Variants in SERPINI1 observed in about 807,000 individuals in gnomAD.
The protein encoded by SERPINI1 is serpin family I member 1, also known as neuroserpin.
A neutral mutation model predicts 41.1 loss-of-function variants in SERPINI1; 19 were observed. The observed-to-expected ratio is 0.46, with a 90% confidence interval of 0.32 to 0.68. The LOEUF is 0.68. SERPINI1 is among the 30% of genes least tolerant of loss of function. The pLI, the probability that SERPINI1 is intolerant of heterozygous loss-of-function variation, is 0.03. For missense variants in SERPINI1, 460 were observed against 479.2 expected, an observed-to-expected ratio of 0.96 and a Z score of 0.37; for synonymous variants, 138 against 156.6, an observed-to-expected ratio of 0.88 and a Z score of 0.89.
intron 1 of SERPINI1, among the ~76,000 whole-genome samples, chr3:167,751,804 T>C (rs1269966966): frequency 2.0e-5 from 3 of 151,992 alleles, no homozygotes; most frequent in Non-Finnish European, 1.5e-5. Flanking sequence ...CCTCCAATAT[T>C]AGTGATTCTC....
At chr3:167,813,527 T>C (rs1389507354) in intron 6 of SERPINI1, among the ~76,000 whole-genome samples, 1 of 152,266 alleles carries the variant, frequency 6.6e-6, no homozygotes, top group East Asian at 1.9e-4. Context: ...CATCTTGCCT[T>C]CTCTGACTTT....
At chr3:167,742,200 G>C (rs1279871585) in intron 1 of SERPINI1, among the ~76,000 whole-genome samples, 2 of 152,096 alleles carry the variant, frequency 1.3e-5, no homozygotes, top group Non-Finnish European at 2.9e-5. Flanking sequence ...TTGAAAAGGA[G>C]AGAAAGAAAT....
At chr3:167,747,233 A>C (rs1305075937) in intron 1 of SERPINI1, among the ~76,000 whole-genome samples, 1 of 152,202 alleles carries the variant, frequency 6.6e-6, no homozygotes, top group Non-Finnish European at 1.5e-5. Flanking sequence ...GATTACTAGT[A>C]AGGGACAAAG....
chr3:167,769,789 G>T (rs1453891649), intron 1 of SERPINI1, among the ~76,000 whole-genome samples: 1 of 151,886 alleles, frequency 6.6e-6, no homozygotes, highest in Admixed American at 6.6e-5. Flanking sequence ...GTTTGACCAT[G>T]TTTTTACCTG....
chr3:167,740,845 T>G (rs1725656310), intron 1 of SERPINI1, among the ~76,000 whole-genome samples: 1 of 151,498 alleles, frequency 6.6e-6, no homozygotes, highest in Admixed American at 6.6e-5. Context: ...AAAGATGTGC[T>G]TTTATGTAAT....
rs150064630 is a variant in SERPINI1, at chr3:167,822,541, A to G, written c.980-445A>G. The stretch of plus-strand genomic sequence containing the variant: ...AATTTCATTTTTCTTTGCCAAGGGT[A>G]TTTACATTATCATAGTAATTAAATA... On this transcript the variant is annotated intron_variant, in intron 6 of 8. Coordinates refer to ENST00000446050, the MANE Select transcript of SERPINI1 (RefSeq NM_001122752.2). Among the ~76,000 whole-genome samples the G allele has an allele frequency of 3.2e-3, 481 of 152,270 alleles. 13 individuals are homozygous for G. The highest frequency in any genetic ancestry group is 0.026 in the Admixed American group (399 of 15,292).
intron 1 of SERPINI1, among the ~76,000 whole-genome samples, chr3:167,776,679 A>G (rs1726978898): frequency 6.6e-6 from 1 of 152,244 alleles, no homozygotes; most frequent in Non-Finnish European, 1.5e-5. Flanking sequence ...GCACTGTTTA[A>G]TGCAGTAGGC....
At chr3:167,817,275 C>T (rs35964183) in intron 6 of SERPINI1, among the ~76,000 whole-genome samples, 64,700 of 151,908 alleles carry the variant, frequency 0.43, 15,793 homozygotes, top group African/African-American at 0.67. Flanking sequence ...TTTATCTTCA[C>T]GCTAATAGGT....
chr3:167,797,707 T>A (rs62279602), intron 5 of SERPINI1, among the ~76,000 whole-genome samples: 19,348 of 150,058 alleles, frequency 0.13, 1,494 homozygotes, highest in African/African-American at 0.21. Context: ...AGTCTATTCT[T>A]AAGGAGAGGT....
intron 1 of SERPINI1, among the ~76,000 whole-genome samples, chr3:167,777,828 T>C (rs891618189): frequency 1.3e-5 from 2 of 152,234 alleles, no homozygotes; most frequent in Non-Finnish European, 2.9e-5. Context: ...ATTGCCACTG[T>C]AACAATGTTA....
At chr3:167,759,353 C>T (rs1422721776) in intron 1 of SERPINI1, among the ~76,000 whole-genome samples, 1 of 146,422 alleles carries the variant, frequency 6.8e-6, no homozygotes, top group Admixed American at 6.9e-5. Flanking sequence ...ATAGCAAAGT[C>T]ATGGAATGAA....
At chr3:167,820,013 T>G (rs1296450048) in intron 6 of SERPINI1, among the ~76,000 whole-genome samples, 1 of 152,204 alleles carries the variant, frequency 6.6e-6, no homozygotes, top group African/African-American at 2.4e-5. Context: ...ATTTTATGGT[T>G]TGCTAGGGCT....
intron 1 of SERPINI1, among the ~76,000 whole-genome samples, chr3:167,788,636 A>G (rs920820922): frequency 6.6e-6 from 1 of 152,224 alleles, no homozygotes; most frequent in Admixed American, 6.5e-5. Flanking sequence ...AGGCAGGTAT[A>G]TGTCTGATCT....
At chr3:167,777,652 A>G (rs13096247) in intron 1 of SERPINI1, among the ~76,000 whole-genome samples, 6,277 of 152,210 alleles carry the variant, frequency 0.041, 175 homozygotes, top group African/African-American at 0.059. Flanking sequence ...CCTTCTCTCA[A>G]TGCTGAGGAA....
chr3:167,767,419 A>G (rs1056351445), intron 1 of SERPINI1, among the ~76,000 whole-genome samples: 3 of 152,176 alleles, frequency 2.0e-5, no homozygotes, highest in Non-Finnish European at 4.4e-5. Flanking sequence ...CATGGAGATT[A>G]ATGTTGTCTT....
chr3:167,747,860 C>A (rs1419696085), intron 1 of SERPINI1, among the ~76,000 whole-genome samples: 1 of 151,722 alleles, frequency 6.6e-6, no homozygotes, highest in African/African-American at 2.4e-5. Flanking sequence ...CACTTGGCCT[C>A]ACAGAACACC....
chr3:167,822,933 A>G lies in SERPINI1; in HGVS notation c.980-53A>G, dbSNP rs934626394. On this transcript the variant is annotated intron_variant, in intron 6 of 8. Coordinates refer to ENST00000446050, the MANE Select transcript of SERPINI1 (RefSeq NM_001122752.2). ...AAAATCCATTTAACAAAAGGGCAAA[A>G]TATTTTCCTATCTCTGAATGAAAAA... 1.7e-5 allele frequency: 17 copies of G among 1,016,084 alleles called. No individual in the cohort carries two copies. The African/African-American group carries it at 2.7e-4, about 16-fold the overall frequency. 62.9% of individuals were successfully genotyped at this position (1,016,084 alleles called of 1,614,324 possible).
chr3:167,818,145 C>T (rs556421717), intron 6 of SERPINI1, among the ~76,000 whole-genome samples: 2 of 152,108 alleles, frequency 1.3e-5, no homozygotes, highest in East Asian at 1.9e-4. Context: ...CCTGTCTCAG[C>T]CTCCCTAGCA....
In SERPINI1 at chr3:167,740,617, G is replaced by A. The variant is rs543720334; in HGVS notation, c.-19+4794G>A. On this transcript the variant is annotated intron_variant, in intron 1 of 8. Transcript: ENST00000446050. Reference sequence around the variant, plus strand: ...CCAAATTCAGCCCTCTGCCAACAACGGTTGCTTATATTACAGCTAAATATA... The same window carrying A: ...CCAAATTCAGCCCTCTGCCAACAACAGTTGCTTATATTACAGCTAAATATA... Among the ~76,000 whole-genome samples, 33 of 152,230 alleles carry A rather than the reference G, an allele frequency of 2.2e-4. 1 individual carries two copies. Among genetic ancestry groups the A allele is most frequent in the Middle Eastern group, 6.8e-3 (2 of 294 alleles).
Sources: gnomAD v4.1 joint callset for allele counts (sites outside exome capture counted in the v4.1 genomes callset) on GRCh38, gnomAD v4.1.1 for gene constraint, MANE v1.5 for transcripts, NCBI Gene and HGNC (gene_info 2026-07-23, HGNC 2026-07-21) for gene names.